The following CNGB3 variants were observed in gnomAD, a reference collection of about 807,000 sequenced individuals.
CNGB3 encodes the protein cyclic nucleotide-gated channel beta-3.
A neutral mutation model predicts 92.8 loss-of-function variants in CNGB3; 86 were observed. That is an observed-to-expected ratio of 0.93 (90% confidence interval 0.78 to 1.11). The LOEUF (loss-of-function observed/expected upper bound fraction) is 1.11. Ranked by LOEUF, CNGB3 falls within the 50% of genes least tolerant of loss-of-function variation. The pLI is 0.00. For missense variants in CNGB3, 1,026 were observed against 956.8 expected, an observed-to-expected ratio of 1.07 and a Z score of -0.95; for synonymous variants, 333 against 332.7, an observed-to-expected ratio of 1.00 and a Z score of -0.01.
chr8:86,594,253 C>T (rs1474975548), intron 15 of CNGB3: 1 of 259,970 alleles, frequency 3.8e-6, no homozygotes, highest in Non-Finnish European at 7.6e-6. Flanking sequence ...CAGTCCTTGC[C>T]TGGGTGAGCT....
At chr8:86,739,624 T>G (rs754157534) in intron 2 of CNGB3, 31 bp downstream of exon 2, 13 of 1,520,200 alleles carry the variant, frequency 8.6e-6, no homozygotes, top group East Asian at 2.4e-5. Flanking sequence ...TTTTTAGTTT[T>G]TTTTTTTTTT....
At position 86,578,781 on chromosome 8, in the gene CNGB3, C is replaced by A. The variant is rs761969118; in HGVS notation, c.2011G>T (p.Glu671Ter). The change falls in exon 17 of 18, where the codon GAG (glutamate) becomes TAG (stop). Residue 671 changes from glutamate to a stop codon, truncating the protein, a stop_gained. Transcript: ENST00000320005. LOFTEE classifies it high-confidence loss of function. ...AGAGTTTTAAACAGTTTGGGTGTCT[C>A]TTCTTTCGGTGGGAAGAGGAGGGCA... ...DLALLFPPKE[E>*]TPKLFKTLLG... 8.1e-6 allele frequency: 13 copies of A among 1,613,976 alleles called. No individual in the cohort carries two copies. The highest frequency in any genetic ancestry group is 9.3e-6 in the Non-Finnish European group (11 of 1,180,024).
At position 86,626,066 on chromosome 8, in the gene CNGB3, G is replaced by A. The variant is rs748824134; in HGVS notation, c.1495C>T (p.Leu499Phe). ...TGGACCGTAGTTGGTAGGGTCTTAA[G>A]CAAATCAGACTCATCTTTATAAAGA... Reference protein sequence around the residue: ...SQRMLDESDLLKTLPTTVQLA... With the variant: ...SQRMLDESDLFKTLPTTVQLA... The change falls in exon 13 of 18, where the codon CTT becomes TTT. Residue 499 changes from leucine (L) to phenylalanine (F), a missense_variant. Physicochemically the swap from Leu to Phe is conservative, Grantham distance 22. Transcript: ENST00000320005. The A allele has an allele frequency of 3.1e-6, 5 of 1,612,520 alleles. No individual in the cohort carries two copies.
At chr8:86,640,175 A>T (rs143649136) in intron 10 of CNGB3, among the ~76,000 whole-genome samples, 1 of 151,880 alleles carries the variant, frequency 6.6e-6, no homozygotes, top group African/African-American at 2.4e-5. Flanking sequence ...ATATTGGCCA[A>T]TTTCTCCTCC....
At chr8:86,634,218 A>G (rs932464175) in intron 10 of CNGB3, among the ~76,000 whole-genome samples, 1 of 152,220 alleles carries the variant, frequency 6.6e-6, no homozygotes, top group African/African-American at 2.4e-5. Context: ...GCATACTCAT[A>G]CAACCATTCT....
intron 13 of CNGB3, among the ~76,000 whole-genome samples, chr8:86,617,652 A>G (rs981445292): frequency 5.3e-5 from 8 of 152,182 alleles, no homozygotes; most frequent in African/African-American, 9.7e-5. Context: ...CTTACAGTCA[A>G]TATTTGCAAC....
chr8:86,673,613 G>C (rs1444955534), intron 3 of CNGB3, among the ~76,000 whole-genome samples: 1 of 152,158 alleles, frequency 6.6e-6, no homozygotes. Flanking sequence ...TTTGAACTTT[G>C]GAAAATTAGC....
At chr8:86,584,977 C>G (rs768917717) in intron 15 of CNGB3, among the ~76,000 whole-genome samples, 20 of 152,086 alleles carry the variant, frequency 1.3e-4, no homozygotes, top group Non-Finnish European at 2.2e-4. Flanking sequence ...ATAATCCTAC[C>G]ATCTACTGTG....
At chr8:86,703,581 T>C (rs1034302882) in intron 3 of CNGB3, among the ~76,000 whole-genome samples, 3 of 152,308 alleles carry the variant, frequency 2.0e-5, no homozygotes, top group South Asian at 2.1e-4. Context: ...TAAACGACAC[T>C]GTTCAAAGGC....
At chr8:86,611,241 C>G (rs992390207) in intron 14 of CNGB3, among the ~76,000 whole-genome samples, 1 of 151,840 alleles carries the variant, frequency 6.6e-6, no homozygotes, top group Non-Finnish European at 1.5e-5. Context: ...GATATTTTGC[C>G]GAAGACATAA....
At chr8:86,592,266 G>A (rs910219642) in intron 15 of CNGB3, among the ~76,000 whole-genome samples, 1 of 152,124 alleles carries the variant, frequency 6.6e-6, no homozygotes, top group Admixed American at 6.5e-5. Context: ...GATGAACCCG[G>A]TACCTCAGAT....
chr8:86,718,644 G>A (rs1586034693), intron 3 of CNGB3, among the ~76,000 whole-genome samples: 1 of 152,070 alleles, frequency 6.6e-6, no homozygotes, highest in Non-Finnish European at 1.5e-5. Context: ...CAGAGATAAA[G>A]GGAATTGTCC....
chr8:86,581,737 C>CG (rs1192635931), intron 15 of CNGB3, among the ~76,000 whole-genome samples: 1 of 151,782 alleles, frequency 6.6e-6, no homozygotes, highest in African/African-American at 2.4e-5. Context: ...CATACCTTAC[C>CG]CCCCCACCAA....
chr8:86,704,129 C>T (rs1484144684), intron 3 of CNGB3: 1 of 152,128 alleles, frequency 6.6e-6, no homozygotes, highest in Non-Finnish European at 1.5e-5. Flanking sequence ...GTACATATTT[C>T]ATGTTATACA....
intron 6 of CNGB3, chr8:86,659,793 C>T: frequency 2.6e-6 from 1 of 379,740 alleles, no homozygotes; most frequent in Non-Finnish European, 5.1e-6. Context: ...CTTTCAGTTG[C>T]TTGCTTTCTT....
chr8:86,732,643 T>C (rs1394942144), intron 2 of CNGB3, among the ~76,000 whole-genome samples: 1 of 152,216 alleles, frequency 6.6e-6, no homozygotes, highest in African/African-American at 2.4e-5. Context: ...CCTGATTATG[T>C]CTCTGTCTCT....
At chr8:86,635,023 G>A (rs1823036413) in intron 10 of CNGB3, among the ~76,000 whole-genome samples, 2 of 150,352 alleles carry the variant, frequency 1.3e-5, no homozygotes, top group South Asian at 4.2e-4. Context: ...GAACTCTTTG[G>A]TAGGGCTTGA....
At chr8:86,657,962 C>T in intron 6 of CNGB3, 3 of 555,072 alleles carry the variant, frequency 5.4e-6, no homozygotes, top group Non-Finnish European at 1.1e-5. Context: ...CTGATGACGT[C>T]TGTCTCTCCA....
chr8:86,732,870 T>A (rs1337318306), intron 2 of CNGB3, among the ~76,000 whole-genome samples: 1 of 152,212 alleles, frequency 6.6e-6, no homozygotes, highest in African/African-American at 2.4e-5. Context: ...GAAATAAATA[T>A]GCTTGAGTCT....
Sources: allele counts gnomAD v4.1 joint callset (sites outside exome capture counted in the v4.1 genomes callset), GRCh38; gene constraint gnomAD v4.1.1; transcripts MANE v1.5; gene names NCBI Gene and HGNC (gene_info 2026-07-23, HGNC 2026-07-21).